Variants in FOXP1 observed in about 807,000 individuals in gnomAD.
FOXP1 encodes forkhead box P1.
Under a neutral mutation model 98.2 loss-of-function variants are expected in FOXP1, and 15 were observed. The observed-to-expected ratio is 0.15, with a 90% CI of 0.10 to 0.24. The LOEUF (loss-of-function observed/expected upper bound fraction) is 0.24, where lower values mean the gene tolerates loss of function less well. FOXP1 is among the 10% of genes least tolerant of loss of function. FOXP1 has a pLI of 1.00. For missense variants in FOXP1, 633 were observed against 848.5 expected, an observed-to-expected ratio of 0.75 and a Z score of 3.15; for synonymous variants, 371 against 314.5, an observed-to-expected ratio of 1.18 and a Z score of -1.90.
intron 3 of FOXP1, among the ~76,000 whole-genome samples, chr3:71,488,388 T>C (rs1478970932): frequency 6.6e-6 from 1 of 152,226 alleles, no homozygotes; most frequent in Admixed American, 6.5e-5. Context: ...ATGGGCTGGC[T>C]ACTGCTGTGT....
intron 3 of FOXP1, among the ~76,000 whole-genome samples, chr3:71,426,133 C>G (rs534901256): frequency 6.6e-6 from 1 of 152,246 alleles, no homozygotes; most frequent in East Asian, 1.9e-4. Flanking sequence ...GACCTAAGAG[C>G]TAGAAAACAG....
chr3:71,164,877 A>C (rs1368060971), intron 6 of FOXP1, among the ~76,000 whole-genome samples: 1 of 152,326 alleles, frequency 6.6e-6, no homozygotes, highest in Admixed American at 6.5e-5. Flanking sequence ...ATTCCAGCGC[A>C]TTATACTTGA....
At chr3:71,469,967 T>G (rs1031824400) in intron 3 of FOXP1, among the ~76,000 whole-genome samples, 28 of 152,120 alleles carry the variant, frequency 1.8e-4, no homozygotes, top group African/African-American at 6.5e-4. Flanking sequence ...ATCTATGAAC[T>G]CTAAAAACTC....
intron 7 of FOXP1, among the ~76,000 whole-genome samples, chr3:71,096,785 G>A (rs2056497948): frequency 6.6e-6 from 1 of 152,140 alleles, no homozygotes; most frequent in Non-Finnish European, 1.5e-5. Flanking sequence ...TGTCTTGAAA[G>A]GGTACCTTCC....
intron 2 of FOXP1, among the ~76,000 whole-genome samples, chr3:71,517,199 A>AG (rs1181952589): frequency 6.6e-6 from 1 of 152,116 alleles, no homozygotes; most frequent in Non-Finnish European, 1.5e-5. Flanking sequence ...CTATCAAAAA[A>AG]AAAAATACAT....
chr3:71,433,832 C>T (rs1163078480), intron 3 of FOXP1, among the ~76,000 whole-genome samples: 3 of 152,176 alleles, frequency 2.0e-5, no homozygotes, highest in Non-Finnish European at 4.4e-5. Flanking sequence ...CAAGCAAAGG[C>T]GTGTCTACAC....
At chr3:71,416,028 A>C (rs2083186081) in intron 3 of FOXP1, among the ~76,000 whole-genome samples, 1 of 152,222 alleles carries the variant, frequency 6.6e-6, no homozygotes, top group African/African-American at 2.4e-5. Context: ...TTTGCTGAAG[A>C]AATATTTACA....
chr3:71,345,701 T>G (rs1277256488), intron 4 of FOXP1, among the ~76,000 whole-genome samples: 1 of 151,302 alleles, frequency 6.6e-6, no homozygotes, highest in Non-Finnish European at 1.5e-5. Context: ...AAAAGCAAAG[T>G]TTTGCTGTTG....
intron 7 of FOXP1, among the ~76,000 whole-genome samples, chr3:71,110,271 G>A (rs2107730326): frequency 6.6e-6 from 1 of 152,268 alleles, no homozygotes; most frequent in Non-Finnish European, 1.5e-5. Context: ...AAGCAAGTAT[G>A]AGGGAAAATA....
At chr3:70,969,144 G>A (rs570920871) in intron 19 of FOXP1, 4 of 144,636 alleles carry the variant, frequency 2.8e-5, no homozygotes, top group Admixed American at 2.1e-4. Flanking sequence ...TTGCCTTTCC[G>A]GCTCATGAAT....
chr3:70,972,170 C>T (rs1433722257), intron 18 of FOXP1: 12 of 1,523,944 alleles, frequency 7.9e-6, no homozygotes, highest in South Asian at 3.7e-5. Context: ...GAGGTTGGTG[C>T]GAATGGCACC....
chr3:71,287,915 C>T (rs1375337342), intron 5 of FOXP1, among the ~76,000 whole-genome samples: 2 of 152,006 alleles, frequency 1.3e-5, no homozygotes, highest in African/African-American at 4.8e-5. Flanking sequence ...AGTTTTGCTC[C>T]TGTTGCCCAG....
intron 6 of FOXP1, among the ~76,000 whole-genome samples, chr3:71,147,087 C>T (rs1350420779): frequency 6.6e-6 from 1 of 152,222 alleles, no homozygotes; most frequent in Non-Finnish European, 1.5e-5. Flanking sequence ...CTGTGCCCTA[C>T]CTCTAACTTG....
intron 7 of FOXP1, among the ~76,000 whole-genome samples, chr3:71,056,479 G>T (rs537973329): frequency 1.2e-3 from 181 of 152,216 alleles, no homozygotes; most frequent in African/African-American, 4.2e-3. Flanking sequence ...TTTGATGGAG[G>T]TGCTGATGAG....
chr3:71,327,488 C>A (rs914364802), intron 4 of FOXP1, among the ~76,000 whole-genome samples: 1 of 148,490 alleles, frequency 6.7e-6, no homozygotes, highest in South Asian at 2.2e-4. Context: ...CCCGGGTTCA[C>A]GCCATTCTCC....
At position 71,385,352 on chromosome 3, in the gene FOXP1, T is replaced by C. The variant is rs147217787; in HGVS notation, c.-167-26108A>G. On this transcript the variant is annotated intron_variant, in intron 3 of 20. Transcript: ENST00000649528. ...AGCATTTAAAGTTGCCAGGCTTCTG[T>C]GGAGGAATGCATTTTGAGGGGTATA... 1.1e-4 allele frequency among the ~76,000 whole-genome samples: 17 copies of C among 152,328 alleles called. No homozygotes were observed. In the East Asian group the frequency reaches 3.1e-3, roughly 28 times the overall value.
chr3:71,115,588 T>C (rs2107775408), intron 6 of FOXP1, among the ~76,000 whole-genome samples: 1 of 151,996 alleles, frequency 6.6e-6, no homozygotes, highest in East Asian at 2.0e-4. Flanking sequence ...CTACCTGCCT[T>C]GGCCTCCCAA....
chr3:71,427,191 T>G (rs917738473), intron 3 of FOXP1, among the ~76,000 whole-genome samples: 2 of 152,128 alleles, frequency 1.3e-5, no homozygotes, highest in African/African-American at 4.8e-5. Flanking sequence ...GAATCGCAGC[T>G]GTTTGGGTCA....
In FOXP1 at chr3:71,197,336, G is replaced by A. The variant is rs1242464221; in HGVS notation, c.180+866C>T. On this transcript the variant is annotated intron_variant, in intron 6 of 20. Coordinates refer to ENST00000649528, the MANE Select transcript of FOXP1 (RefSeq NM_001349338.3). ...TTAACAAAGCCTAATAATATTTCCT[G>A]ATTCCGAGGAATCAGGAAAGGCGGG... Among the ~76,000 whole-genome samples, 6 of 152,170 alleles carry A rather than the reference G, an allele frequency of 3.9e-5. No homozygotes were observed. The East Asian group carries it at 1.2e-3, about 29-fold the overall frequency.
Sources: gnomAD v4.1 joint callset for allele counts (sites outside exome capture counted in the v4.1 genomes callset) on GRCh38, gnomAD v4.1.1 for gene constraint, MANE v1.5 for transcripts, NCBI Gene and HGNC (gene_info 2026-07-23, HGNC 2026-07-21) for gene names.